The following C11orf87 variants were observed in gnomAD, a reference collection of about 807,000 sequenced individuals.
C11orf87 encodes chromosome 11 open reading frame 87, also known as uncharacterized protein C11orf87.
In C11orf87, 3 loss-of-function variants were observed where a neutral mutation model predicts 9.2. The ratio of observed to expected loss-of-function variants is 0.33; its 90% CI spans 0.15 to 0.84. C11orf87 has a LOEUF of 0.84. Ranked by LOEUF, C11orf87 falls within the 40% of genes least tolerant of loss-of-function variation. The probability of loss-of-function intolerance (pLI) is 0.55; values close to 1 mark genes in which losing one functional copy is unlikely to be tolerated. For missense variants in C11orf87, 256 were observed against 270.7 expected (o/e 0.95, Z 0.38); for synonymous variants, 124 against 124.6 (o/e 1.00, Z 0.03).
rs1435260339 is a variant in C11orf87, at chr11:109,425,420, A to G, written c.*1193A>G. 3 of 167,046 alleles carry G rather than the reference A, an allele frequency of 1.8e-5. No homozygotes were observed. Among genetic ancestry groups the G allele is most frequent in the African/African-American group, 4.8e-5 (2 of 41,434 alleles). 10.3% of individuals were successfully genotyped at this position (167,046 alleles called of 1,614,324 possible). A position where few individuals can be genotyped will look rare whatever the true frequency, so the allele number is the denominator to read the frequency against. On this transcript the variant is annotated 3_prime_UTR_variant, in exon 2 of 2. Transcript: ENST00000327419. Reference sequence around the variant, plus strand: ...ATATTGGTACCAAATACAGAAAAAAACTATAGTTCTGTACTATGTCCTCCA... The same window carrying G: ...ATATTGGTACCAAATACAGAAAAAAGCTATAGTTCTGTACTATGTCCTCCA...
rs1320869714 is a variant in C11orf87 at position 109,426,454 on chromosome 11, C to T, written c.*2227C>T. 6.6e-6 allele frequency: 1 copy of T among 152,196 alleles called. No homozygotes were observed. The allele number at this position is 152,196 out of a possible 1,614,324, so 9.4% of individuals were successfully genotyped here. On this transcript the variant is annotated 3_prime_UTR_variant, in exon 2 of 2. Coordinates refer to ENST00000327419, the MANE Select transcript of C11orf87 (RefSeq NM_207645.4). Reference sequence around the variant, plus strand: ...AATTTAATAAACTTAATTTTAATCACCCATAAGATAATCACCTTTCCTGAA... The same window carrying T: ...AATTTAATAAACTTAATTTTAATCATCCATAAGATAATCACCTTTCCTGAA...
Position 109,423,767 on chromosome 11 carries a change from C to G in C11orf87, c.134C>G (p.Thr45Ser). ...ARGPGAVGSGTCITQVGQQLF... is the reference protein window; with the variant it reads ...ARGPGAVGSGSCITQVGQQLF... ...GGCCCAGGCGCAGTAGGCAGCGGCACCTGCATCACGCAGGTGGGACAGCAG... is the reference window on the plus strand; with the variant it reads ...GGCCCAGGCGCAGTAGGCAGCGGCAGCTGCATCACGCAGGTGGGACAGCAG... The change falls in exon 2 of 2, where the codon ACC (threonine) becomes AGC (serine). Residue 45 changes from threonine to serine, a missense_variant. Coordinates refer to ENST00000327419, the MANE Select transcript of C11orf87 (RefSeq NM_207645.4). The surrounding 1 kb of genome is among the most constrained non-coding windows in gnomAD (Gnocchi z 5.3). 2 of 1,614,080 alleles carry G rather than the reference C, an allele frequency of 1.2e-6. No individual in the cohort carries two copies. Among genetic ancestry groups the G allele is most frequent in the Non-Finnish European group, 1.7e-6 (2 of 1,179,942 alleles).
chr11:109,423,102 A>G lies in C11orf87; in HGVS notation c.-259-273A>G, dbSNP rs1477541215. ...TGTCTGTTGCAATTATAAAGTTGTG[A>G]AGGGCGGAAGGGAGGCTGCCTTATC... On this transcript the variant is annotated intron_variant, in intron 1 of 1. Coordinates refer to ENST00000327419, the MANE Select transcript of C11orf87 (RefSeq NM_207645.4). This position sits in a 1 kb window ranked among gnomAD's most constrained non-coding sequence, Gnocchi z 5.3. Among the ~76,000 whole-genome samples, 1 of 152,150 alleles carries G rather than the reference A, an allele frequency of 6.6e-6. No individual in the cohort carries two copies. Among genetic ancestry groups the G allele is most frequent in the Admixed American group, 6.5e-5 (1 of 15,296 alleles).
At position 109,422,295 on chromosome 11, in the gene C11orf87, A is replaced by T. The variant is rs2134819814; in HGVS notation, c.-260+32A>T. 9 of 166,976 alleles carry T rather than the reference A, an allele frequency of 5.4e-5. No individual in the cohort carries two copies. The South Asian group carries it at 1.1e-3, about 20-fold the overall frequency. The allele number at this position is 166,976 out of a possible 1,614,324, so 10.3% of individuals were successfully genotyped here. ...GACAAGGTGTGAGTAAAGGCTTCTGATGGCCGGGTGGCCTGACGGCCAGGT... is the reference window on the plus strand; with the variant it reads ...GACAAGGTGTGAGTAAAGGCTTCTGTTGGCCGGGTGGCCTGACGGCCAGGT... On this transcript the variant is annotated intron_variant, in intron 1 of 1. Coordinates refer to ENST00000327419, the MANE Select transcript of C11orf87 (RefSeq NM_207645.4).
At position 109,425,867 on chromosome 11, in the gene C11orf87, T is replaced by C. The variant is rs1422164436; in HGVS notation, c.*1640T>C. The C allele has an allele frequency of 2.6e-5, 4 of 152,266 alleles. No individual in the cohort carries two copies. The highest frequency in any genetic ancestry group is 5.9e-5 in the Non-Finnish European group (4 of 68,042). The allele number at this position is 152,266 out of a possible 1,614,324, so 9.4% of individuals were successfully genotyped here. A position where few individuals can be genotyped will look rare whatever the true frequency, so the allele number is the denominator to read the frequency against. Reference sequence around the variant, plus strand: ...AAAAGCTAGATCCAGTAATTACTTATAGGATACAAATGTTTGCAGCTTGTT... The same window carrying C: ...AAAAGCTAGATCCAGTAATTACTTACAGGATACAAATGTTTGCAGCTTGTT... On this transcript the variant is annotated 3_prime_UTR_variant, in exon 2 of 2. Coordinates refer to ENST00000327419, the MANE Select transcript of C11orf87 (RefSeq NM_207645.4).
In C11orf87 at chr11:109,428,867, C is replaced by A. The variant is rs2134834799; in HGVS notation, c.*4640C>A. ...GCTTAGCTGACAATAAGAATTTAAT[C>A]AACTTTATTTGGAGACAATGACTTA... On this transcript the variant is annotated 3_prime_UTR_variant, in exon 2 of 2. Transcript: ENST00000327419. The A allele has an allele frequency of 6.6e-6, 1 of 152,216 alleles. No homozygotes were observed. Among genetic ancestry groups the A allele is most frequent in the Non-Finnish European group, 1.5e-5 (1 of 67,992 alleles). 9.4% of individuals were successfully genotyped at this position (152,216 alleles called of 1,614,324 possible). A position where few individuals can be genotyped will look rare whatever the true frequency, so the allele number is the denominator to read the frequency against.
In C11orf87 at chr11:109,428,640, T is replaced by C. The variant is rs761750823; in HGVS notation, c.*4413T>C. ...TTGGGCCATTTTTTGTTGGAACTTG[T>C]GATTGTAACTCACAGATGTTTCAGT... is the stretch of plus-strand genomic sequence containing the variant. On this transcript the variant is annotated 3_prime_UTR_variant, in exon 2 of 2. Transcript: ENST00000327419. 3.9e-5 allele frequency: 6 copies of C among 152,154 alleles called. No homozygotes were observed. The highest frequency in any genetic ancestry group is 8.8e-5 in the Non-Finnish European group (6 of 67,986). The allele number at this position is 152,154 out of a possible 1,614,324, so 9.4% of individuals were successfully genotyped here. A position where few individuals can be genotyped will look rare whatever the true frequency, so the allele number is the denominator to read the frequency against.
Position 109,424,482 on chromosome 11 carries a change from A to C in C11orf87, c.*255A>C. 4.2e-6 allele frequency: 1 copy of C among 238,846 alleles called. No homozygotes were observed. Among genetic ancestry groups the C allele is most frequent in the Non-Finnish European group, 8.5e-6 (1 of 117,066 alleles). 14.8% of individuals were successfully genotyped at this position (238,846 alleles called of 1,614,324 possible). On this transcript the variant is annotated 3_prime_UTR_variant, in exon 2 of 2. Coordinates refer to ENST00000327419, the MANE Select transcript of C11orf87 (RefSeq NM_207645.4). This position sits in a 1 kb window ranked among gnomAD's most constrained non-coding sequence, Gnocchi z 4.7. ...TATTAATATTTATAGTAATTATTAT[A>C]ATACTAATAACACAATCCAAGCGCA...
rs148518147 is a variant in C11orf87, at chr11:109,424,159, G to A, written c.526G>A (p.Ala176Thr). The A allele has an allele frequency of 6.2e-7, 1 of 1,614,132 alleles. No individual in the cohort carries two copies. Among genetic ancestry groups the A allele is most frequent in the Non-Finnish European group, 8.5e-7 (1 of 1,180,022 alleles). The change falls in exon 2 of 2, where the codon GCA becomes ACA. Residue 176 changes from alanine to threonine, a missense_variant. Transcript: ENST00000327419. This position sits in a 1 kb window ranked among gnomAD's most constrained non-coding sequence, Gnocchi z 4.7. ...ACCGCCAGCCTCCAGTCCCCAAGGA[G>A]CACACGCAGCTTCCTCCTGTTTGGA... ...PPPPASSPQG[A>T]HAASSCLDTA...
At position 109,423,918 on chromosome 11, in the gene C11orf87, G is replaced by A. The variant is rs755442925; in HGVS notation, c.285G>A (p.Gln95=). The change falls in exon 2 of 2, where the codon CAG becomes CAA. Residue 95 remains glutamine, a synonymous_variant. Transcript: ENST00000327419. This position sits in a 1 kb window ranked among gnomAD's most constrained non-coding sequence, Gnocchi z 5.3. ...GTAGGATGAAGAAGCGGAAGATGCAGAGGGCTCAGGAGGAATATGAGCGGG... is the reference window on the plus strand; with the variant it reads ...GTAGGATGAAGAAGCGGAAGATGCAAAGGGCTCAGGAGGAATATGAGCGGG... The part of the protein sequence containing the change: ...HKRRMKKRKM[Q]RAQEEYERDH... 5 of 1,614,148 alleles carry A rather than the reference G, an allele frequency of 3.1e-6. No individual in the cohort carries two copies. Among genetic ancestry groups the A allele is most frequent in the Non-Finnish European group, 4.2e-6 (5 of 1,179,966 alleles).
chr11:109,425,041 C>T lies in C11orf87; in HGVS notation c.*814C>T, dbSNP rs1351495177. ...TTTCATTCCCTGCCCCGCCCCCACC[C>T]GTACACCTTTGACTTGTGACATTTT... is the stretch of plus-strand genomic sequence containing the variant. On this transcript the variant is annotated 3_prime_UTR_variant, in exon 2 of 2. Coordinates refer to ENST00000327419, the MANE Select transcript of C11orf87 (RefSeq NM_207645.4). The T allele has an allele frequency of 6.0e-6, 1 of 167,372 alleles. No individual in the cohort carries two copies. 10.4% of individuals were successfully genotyped at this position (167,372 alleles called of 1,614,324 possible). A position where few individuals can be genotyped will look rare whatever the true frequency, so the allele number is the denominator to read the frequency against.
Position 109,427,950 on chromosome 11 carries a change from T to C in C11orf87, c.*3723T>C, listed in dbSNP as rs978708911. On this transcript the variant is annotated 3_prime_UTR_variant, in exon 2 of 2. Transcript: ENST00000327419. ...CTTACCCAAAGAGGATACTGAAAAG[T>C]CCGGTATGTGCATGCACTTGTTTCT... 6.6e-6 allele frequency: 1 copy of C among 151,992 alleles called. No individual in the cohort carries two copies. Among genetic ancestry groups the C allele is most frequent in the East Asian group, 1.9e-4 (1 of 5,190 alleles). 9.4% of individuals were successfully genotyped at this position (151,992 alleles called of 1,614,324 possible). A position where few individuals can be genotyped will look rare whatever the true frequency, so the allele number is the denominator to read the frequency against.
At position 109,426,699 on chromosome 11, in the gene C11orf87, A is replaced by C. The variant is rs1000636210; in HGVS notation, c.*2472A>C. 1 of 152,196 alleles carries C rather than the reference A, an allele frequency of 6.6e-6. No individual in the cohort carries two copies. The highest frequency in any genetic ancestry group is 2.4e-5 in the African/African-American group (1 of 41,452). 9.4% of individuals were successfully genotyped at this position (152,196 alleles called of 1,614,324 possible). A position where few individuals can be genotyped will look rare whatever the true frequency, so the allele number is the denominator to read the frequency against. ...ACATCAGAATGACTAAGGCACTGTG[A>C]AGAAGAAAGTCCATTGATTTTTGTA... On this transcript the variant is annotated 3_prime_UTR_variant, in exon 2 of 2. Transcript: ENST00000327419.
rs769295324 is a variant in C11orf87 at position 109,423,718 on chromosome 11, G to C, written c.85G>C (p.Gly29Arg). Residue 29 changes from glycine to arginine, a missense_variant, in exon 2 of 2, where the codon GGC (glycine) becomes CGC (arginine). By Grantham distance (125) the Gly-to-Arg change is moderately radical. Transcript: ENST00000327419. This position sits in a 1 kb window ranked among gnomAD's most constrained non-coding sequence, Gnocchi z 5.3. ...GACCTTTGCTTCCCCCAACGCCAGC[G>C]GCAGCGGCAACACGGGTGCCCGCGG... ...NRTFASPNAS[G>R]SGNTGARGPG... The C allele has an allele frequency of 5.0e-6, 8 of 1,613,500 alleles. No individual in the cohort carries two copies. The highest frequency in any genetic ancestry group is 6.8e-6 in the Non-Finnish European group (8 of 1,179,870).
At position 109,423,669 on chromosome 11, in the gene C11orf87, G is replaced by C; in HGVS notation, c.36G>C (p.Ala12=). The change falls in exon 2 of 2, where the codon GCG becomes GCC. Residue 12 remains alanine (A), a synonymous_variant. Coordinates refer to ENST00000327419, the MANE Select transcript of C11orf87 (RefSeq NM_207645.4). This position sits in a 1 kb window ranked among gnomAD's most constrained non-coding sequence, Gnocchi z 5.3. ...GGGCGCCGAAGGAGCTGAGGCTGGC[G>C]TTGCCGCCGTGTCTCCTCAACCGGA... ...SARAPKELRL[A]LPPCLLNRTF... 6.2e-7 allele frequency: 1 copy of C among 1,607,256 alleles called. No individual in the cohort carries two copies. The highest frequency in any genetic ancestry group is 8.5e-7 in the Non-Finnish European group (1 of 1,179,692).
chr11:109,428,549 C>A lies in C11orf87; in HGVS notation c.*4322C>A, dbSNP rs1860602257. ...ACCAGAAATTTTAATATAATCTGAT[C>A]AGGTTCCTTAGTCCCATTCCCATGT... On this transcript the variant is annotated 3_prime_UTR_variant, in exon 2 of 2. Coordinates refer to ENST00000327419, the MANE Select transcript of C11orf87 (RefSeq NM_207645.4). 6.6e-6 allele frequency: 1 copy of A among 152,084 alleles called. No homozygotes were observed. Among genetic ancestry groups the A allele is most frequent in the Non-Finnish European group, 1.5e-5 (1 of 67,968 alleles). 9.4% of individuals were successfully genotyped at this position (152,084 alleles called of 1,614,324 possible). A position where few individuals can be genotyped will look rare whatever the true frequency, so the allele number is the denominator to read the frequency against.
Position 109,429,015 on chromosome 11 carries a change from T to C in C11orf87, c.*4788T>C, listed in dbSNP as rs1245047883. On this transcript the variant is annotated 3_prime_UTR_variant, in exon 2 of 2. Coordinates refer to ENST00000327419, the MANE Select transcript of C11orf87 (RefSeq NM_207645.4). ...CAATGATGACAACAGAAAAACTGAC[T>C]TTTGAACTTGAGTATATCCAATAGA... 3.3e-5 allele frequency: 5 copies of C among 152,294 alleles called. No homozygotes were observed. The highest frequency in any genetic ancestry group is 1.2e-4 in the African/African-American group (5 of 41,576). The allele number at this position is 152,294 out of a possible 1,614,324, so 9.4% of individuals were successfully genotyped here.
Position 109,426,240 on chromosome 11 carries a change from G to A in C11orf87, c.*2013G>A, listed in dbSNP as rs527574103. 1.3e-5 allele frequency: 2 copies of A among 152,306 alleles called. No homozygotes were observed. The highest frequency in any genetic ancestry group is 4.8e-5 in the African/African-American group (2 of 41,564). The allele number at this position is 152,306 out of a possible 1,614,324, so 9.4% of individuals were successfully genotyped here. On this transcript the variant is annotated 3_prime_UTR_variant, in exon 2 of 2. Transcript: ENST00000327419. The stretch of plus-strand genomic sequence containing the variant: ...TGATCTGCAAAAAGCTCTACCAAGA[G>A]AGTCCTTACTATCCTGCAGGGTGTA...
rs1860532125 is a variant in C11orf87, at chr11:109,423,923, C to A, written c.290C>A (p.Ala97Asp). The A allele has an allele frequency of 6.2e-7, 1 of 1,614,030 alleles. No individual in the cohort carries two copies. Residue 97 changes from alanine (A) to aspartate (D), a missense_variant, in exon 2 of 2, where the codon GCT becomes GAT. By Grantham distance (126) the Ala-to-Asp change is moderately radical. Coordinates refer to ENST00000327419, the MANE Select transcript of C11orf87 (RefSeq NM_207645.4). The surrounding 1 kb of genome is among the most constrained non-coding windows in gnomAD (Gnocchi z 5.3). ...ATGAAGAAGCGGAAGATGCAGAGGGCTCAGGAGGAATATGAGCGGGATCAC... is the reference window on the plus strand; with the variant it reads ...ATGAAGAAGCGGAAGATGCAGAGGGATCAGGAGGAATATGAGCGGGATCAC... Reference protein sequence around the residue: ...RRMKKRKMQRAQEEYERDHCS... With the variant: ...RRMKKRKMQRDQEEYERDHCS...
Sources: allele counts gnomAD v4.1 joint callset (sites outside exome capture counted in the v4.1 genomes callset), GRCh38; gene constraint gnomAD v4.1.1; non-coding constraint Gnocchi (gnomAD v3.1); transcripts MANE v1.5; gene names NCBI Gene and HGNC (gene_info 2026-07-23, HGNC 2026-07-21).